GPR180: variants seen among roughly 807,000 people sequenced by gnomAD.
GPR180 encodes the protein integral membrane protein GPR180.
A neutral mutation model predicts 52.6 loss-of-function variants in GPR180; 53 were observed. The ratio of observed to expected loss-of-function variants is 1.01; its 90% CI spans 0.81 to 1.27. The LOEUF is 1.27. Among genes scored for constraint, GPR180 ranks in the 50% most tolerant of loss-of-function variants. GPR180 has a pLI of 0.00. For synonymous variants in GPR180, 200 were observed against 193.1 expected (o/e 1.04, Z -0.30); for missense variants, 533 against 527.0 (o/e 1.01, Z -0.11).
intron 1 of GPR180, among the ~76,000 whole-genome samples, chr13:94,603,216 A>C (rs184393043): frequency 2.6e-5 from 4 of 152,204 alleles, no homozygotes; most frequent in African/African-American, 9.6e-5. Context: ...TATTTTTTGT[A>C]ACATTTTGAG....
At position 94,627,026 on chromosome 13, in the gene GPR180, G is replaced by A. The variant is rs1003997186; in HGVS notation, c.1178G>A (p.Gly393Asp). The change falls in exon 9 of 9, where the codon GGT (glycine) becomes GAT (aspartate). Residue 393 changes from glycine to aspartate, a missense_variant. Physicochemically the swap from Gly to Asp is moderately conservative, Grantham distance 94. Coordinates refer to ENST00000376958, the MANE Select transcript of GPR180 (RefSeq NM_180989.6). ...DYQRDKVITIGVILCQSVSMV... is the reference protein window; with the variant it reads ...DYQRDKVITIDVILCQSVSMV... ...TTTTCTTTTCAGGTTATTACAATAG[G>A]TGTTATCCTTTGCCAGTCTGTTTCC... 2.5e-6 allele frequency: 4 copies of A among 1,606,754 alleles called. No individual in the cohort carries two copies. The highest frequency in any genetic ancestry group is 3.4e-6 in the Non-Finnish European group (4 of 1,176,938).
At position 94,601,870 on chromosome 13, in the gene GPR180, G is replaced by A. The variant is rs961744437; in HGVS notation, c.-58G>A. 5.3e-6 allele frequency: 7 copies of A among 1,330,954 alleles called. No homozygotes were observed. The African/African-American group carries it at 9.2e-5, about 18-fold the overall frequency. 82.4% of individuals were successfully genotyped at this position (1,330,954 alleles called of 1,614,324 possible). On this transcript the variant is annotated 5_prime_UTR_variant, in exon 1 of 9. Transcript: ENST00000376958. ...CCCGCCTCCCCCAGCTGCCGACGTG[G>A]GGCGGGCAGCCGCCGGCGGCTGGGA...
chr13:94,617,287 T>C (rs9524563), intron 3 of GPR180, among the ~76,000 whole-genome samples: 36,502 of 152,022 alleles, frequency 0.24, 4,655 homozygotes, highest in East Asian at 0.38. Context: ...AATTTTTTAA[T>C]ACTAAGAAGG....
At position 94,605,489 on chromosome 13, in the gene GPR180, C is replaced by T; in HGVS notation, c.244C>T (p.Leu82=). ...GTTCCAAGCCCAGGAATGGCTAAAG[C>T]TACAGCAAAGCAGTCATGGTTATAG... The part of the protein sequence containing the change: ...YLFQAQEWLK[L]QQSSHGYSCS... The change falls in exon 2 of 9, where the codon CTA becomes TTA. Residue 82 remains leucine, a synonymous_variant. Transcript: ENST00000376958. 6.2e-7 allele frequency: 1 copy of T among 1,614,084 alleles called. No homozygotes were observed. The highest frequency in any genetic ancestry group is 8.5e-7 in the Non-Finnish European group (1 of 1,179,962).
intron 1 of GPR180, among the ~76,000 whole-genome samples, chr13:94,603,048 T>C (rs2139561948): frequency 6.7e-6 from 1 of 150,262 alleles, no homozygotes; most frequent in Non-Finnish European, 1.5e-5. Context: ...ATTGGGAAAT[T>C]ACAGAATTGA....
intron 7 of GPR180, among the ~76,000 whole-genome samples, chr13:94,624,519 T>G (rs150827541): frequency 1.5e-4 from 23 of 152,320 alleles, no homozygotes; most frequent in African/African-American, 5.3e-4. Flanking sequence ...AGTTAATATG[T>G]ATTTGAGGTG....
At chr13:94,611,485 A>G (rs1239932697) in intron 2 of GPR180, among the ~76,000 whole-genome samples, 1 of 152,170 alleles carries the variant, frequency 6.6e-6, no homozygotes, top group Non-Finnish European at 1.5e-5. Flanking sequence ...ATATTTTACC[A>G]CAATAATTTT....
chr13:94,618,612 G>A (rs1006681785), intron 3 of GPR180, among the ~76,000 whole-genome samples: 1 of 151,640 alleles, frequency 6.6e-6, no homozygotes, highest in Admixed American at 6.6e-5. Flanking sequence ...CAGATTACTG[G>A]GCTCTACTCA....
rs990479921 is a variant in GPR180, at chr13:94,628,843, T to C, written c.*1672T>C. On this transcript the variant is annotated 3_prime_UTR_variant, in exon 9 of 9. Transcript: ENST00000376958. ...TATTGTCTGTTGTGTTCAGCTGAGA[T>C]GCAAAAAAGAAATTAAGCAAAAAAG... 6.6e-6 allele frequency: 1 copy of C among 152,018 alleles called. No individual in the cohort carries two copies. Among genetic ancestry groups the C allele is most frequent in the Non-Finnish European group, 1.5e-5 (1 of 67,932 alleles). 9.4% of individuals were successfully genotyped at this position (152,018 alleles called of 1,614,324 possible). A position where few individuals can be genotyped will look rare whatever the true frequency, so the allele number is the denominator to read the frequency against.
intron 2 of GPR180, among the ~76,000 whole-genome samples, chr13:94,609,656 T>G (rs1366226291): frequency 2.0e-5 from 3 of 152,158 alleles, no homozygotes; most frequent in Non-Finnish European, 4.4e-5. Context: ...TATTTGTGAA[T>G]CATTTATTGA....
At position 94,612,307 on chromosome 13, in the gene GPR180, T is replaced by C; in HGVS notation, c.422T>C (p.Val141Ala). 1 of 1,613,892 alleles carries C rather than the reference T, an allele frequency of 6.2e-7. No individual in the cohort carries two copies. The highest frequency in any genetic ancestry group is 8.5e-7 in the Non-Finnish European group (1 of 1,179,764). ...CAAGATGACAAGGAGAATTCTCAGG[T>C]GGAAGATATCCCATTTGAAATGGTG... The part of the protein sequence containing the change: ...TCQDDKENSQ[V>A]EDIPFEMVLL... The change falls in exon 3 of 9, where the codon GTG (valine) becomes GCG (alanine). Residue 141 changes from valine (V) to alanine (A), a missense_variant. Val to Ala is a moderately conservative substitution (Grantham distance 64, BLOSUM62 0). Coordinates refer to ENST00000376958, the MANE Select transcript of GPR180 (RefSeq NM_180989.6).
At chr13:94,609,894 A>G (rs915803122) in intron 2 of GPR180, among the ~76,000 whole-genome samples, 4 of 152,166 alleles carry the variant, frequency 2.6e-5, no homozygotes, top group Admixed American at 2.0e-4. Flanking sequence ...CAAGTCCTCA[A>G]AATTCAAATC....
chr13:94,604,668 T>C (rs148427131), intron 1 of GPR180, among the ~76,000 whole-genome samples: 4 of 152,104 alleles, frequency 2.6e-5, no homozygotes, highest in African/African-American at 9.6e-5. Context: ...CTCAGACTCC[T>C]AGGCTAAAGC....
At chr13:94,607,752 C>A (rs1315776409) in intron 2 of GPR180, among the ~76,000 whole-genome samples, 3 of 151,992 alleles carry the variant, frequency 2.0e-5, no homozygotes, top group African/African-American at 7.3e-5. Flanking sequence ...TGGAGGTGAC[C>A]AGAATGAATC....
Position 94,630,605 on chromosome 13 carries a change from T to A in GPR180, c.*3434T>A, listed in dbSNP as rs1444807815. The A allele has an allele frequency of 6.6e-6, 1 of 152,236 alleles. No homozygotes were observed. Among genetic ancestry groups the A allele is most frequent in the African/African-American group, 2.4e-5 (1 of 41,460 alleles). The allele number at this position is 152,236 out of a possible 1,614,324, so 9.4% of individuals were successfully genotyped here. On this transcript the variant is annotated 3_prime_UTR_variant, in exon 9 of 9. Transcript: ENST00000376958. ...CATATGATCTGGTTATCTCTTAATT[T>A]GTACCACTCTCTCACACACATATCC...
At position 94,633,165 on chromosome 13, in the gene GPR180, A is replaced by C. The variant is rs1890021729; in HGVS notation, c.*5994A>C. 6.6e-6 allele frequency: 1 copy of C among 152,228 alleles called. No homozygotes were observed. Among genetic ancestry groups the C allele is most frequent in the Non-Finnish European group, 1.5e-5 (1 of 68,046 alleles). 9.4% of individuals were successfully genotyped at this position (152,228 alleles called of 1,614,324 possible). ...CCTGAAGGTATTGTGGGGACCCCTG[A>C]ACTTGCAGCCAGTTGGTCAGAAGTA... On this transcript the variant is annotated 3_prime_UTR_variant, in exon 9 of 9. Transcript: ENST00000376958.
chr13:94,616,486 A>G (rs1400957887), intron 3 of GPR180, among the ~76,000 whole-genome samples: 1 of 152,182 alleles, frequency 6.6e-6, no homozygotes, highest in Non-Finnish European at 1.5e-5. Flanking sequence ...ACCATCATTT[A>G]GCTGGGGCTA....
intron 2 of GPR180, among the ~76,000 whole-genome samples, chr13:94,609,639 A>G (rs1490533610): frequency 6.6e-6 from 1 of 152,216 alleles, no homozygotes; most frequent in African/African-American, 2.4e-5. Context: ...GCACATTTAA[A>G]CAGTCTTATT....
At position 94,623,237 on chromosome 13, in the gene GPR180, C is replaced by G. The variant is rs764086206; in HGVS notation, c.1023C>G (p.Leu341=). Residue 341 remains leucine (L), a synonymous_variant, in exon 7 of 9, where the codon CTC becomes CTG. Coordinates refer to ENST00000376958, the MANE Select transcript of GPR180 (RefSeq NM_180989.6). Reference sequence around the variant, plus strand: ...TAGCATTGTCATTAGGCTGTGGACTCTATCAGATCATCACAGTGGAGAGAA... The same window carrying G: ...TAGCATTGTCATTAGGCTGTGGACTGTATCAGATCATCACAGTGGAGAGAA... ...ICLALSLGCG[L]YQIITVERST... is the part of the protein sequence containing the mutation. 3.7e-6 allele frequency: 6 copies of G among 1,614,016 alleles called. No individual in the cohort carries two copies. In the South Asian group the frequency reaches 6.6e-5, roughly 18 times the overall value.
Sources: allele counts gnomAD v4.1 joint callset (sites outside exome capture counted in the v4.1 genomes callset), GRCh38; gene constraint gnomAD v4.1.1; transcripts MANE v1.5; gene names NCBI Gene and HGNC (gene_info 2026-07-23, HGNC 2026-07-21).